The following SPON1 variants were observed in gnomAD, a reference collection of about 807,000 sequenced individuals.
SPON1 encodes spondin 1.
SPON1 carries 52 observed loss-of-function variants against 111.7 expected under a neutral mutation model. That is an observed-to-expected ratio of 0.47 (90% CI 0.37 to 0.59). The LOEUF (loss-of-function observed/expected upper bound fraction) is 0.59, where lower values mean the gene tolerates loss of function less well. Among genes scored for constraint, SPON1 ranks in the 20% least tolerant of loss-of-function variants. The pLI, the probability that SPON1 is intolerant of heterozygous loss-of-function variation, is 0.00. For synonymous variants in SPON1, 410 were observed against 395.8 expected (o/e 1.04, Z -0.43); for missense variants, 957 against 1,068.5 (o/e 0.90, Z 1.46).
At chr11:14,202,407 A>C (rs1848474098) in intron 6 of SPON1, among the ~76,000 whole-genome samples, 1 of 152,170 alleles carries the variant, frequency 6.6e-6, no homozygotes, top group Non-Finnish European at 1.5e-5. Context: ...CATCATGTCC[A>C]TTGCACTCCC....
chr11:14,058,349 G>T (rs1026147372), intron 3 of SPON1, among the ~76,000 whole-genome samples: 1 of 152,096 alleles, frequency 6.6e-6, no homozygotes, highest in Non-Finnish European at 1.5e-5. Flanking sequence ...CCGGAGACTC[G>T]CAGAGTGGTG....
intron 6 of SPON1, among the ~76,000 whole-genome samples, chr11:14,173,079 G>T (rs1375551418): frequency 6.6e-6 from 1 of 151,908 alleles, no homozygotes; most frequent in African/African-American, 2.4e-5. Context: ...ATAATATCCT[G>T]CAGAGTGTTT....
intron 3 of SPON1, among the ~76,000 whole-genome samples, chr11:14,063,024 G>A (rs555813337): frequency 3.3e-5 from 5 of 151,772 alleles, no homozygotes; most frequent in African/African-American, 9.7e-5. Context: ...CTCTCTTCTC[G>A]GTGATTTCTA....
intron 6 of SPON1, among the ~76,000 whole-genome samples, chr11:14,147,118 C>T (rs555134101): frequency 6.7e-6 from 1 of 148,838 alleles, no homozygotes; most frequent in South Asian, 2.2e-4. Context: ...CAGCCTCCAC[C>T]TCCCGGGTTC....
At chr11:14,016,632 A>G (rs1302990966) in intron 2 of SPON1, among the ~76,000 whole-genome samples, 3 of 152,224 alleles carry the variant, frequency 2.0e-5, no homozygotes, top group African/African-American at 7.2e-5. Context: ...AAAGAAATAT[A>G]TACCCAATCT....
chr11:14,035,791 AT>A (rs1848590427), intron 2 of SPON1, among the ~76,000 whole-genome samples: 2 of 151,694 alleles, frequency 1.3e-5, no homozygotes, highest in East Asian at 1.9e-4. Context: ...CTAATTTTTT[AT>A]TTTTTTATAG....
intron 7 of SPON1, among the ~76,000 whole-genome samples, chr11:14,247,547 G>A (rs76728207): frequency 0.025 from 3,843 of 152,296 alleles, 58 homozygotes; most frequent in Non-Finnish European, 0.04. Context: ...TCAGAAAACC[G>A]GAGAGAATTA....
intron 2 of SPON1, among the ~76,000 whole-genome samples, chr11:13,984,526 A>G (rs1554910089): frequency 6.6e-6 from 1 of 152,124 alleles, no homozygotes; most frequent in African/African-American, 2.4e-5. Context: ...CACCTTTATA[A>G]CAAATCCACT....
chr11:14,130,150 C>T (rs904673862), intron 5 of SPON1, among the ~76,000 whole-genome samples: 1 of 152,174 alleles, frequency 6.6e-6, no homozygotes, highest in Admixed American at 6.5e-5. Flanking sequence ...AAGGAATCAG[C>T]CCAAGCTCAC....
At chr11:14,148,786 AAC>A (rs1847754451) in intron 6 of SPON1, among the ~76,000 whole-genome samples, 1 of 152,220 alleles carries the variant, frequency 6.6e-6, no homozygotes, top group South Asian at 2.1e-4. Flanking sequence ...AGTGTACTGA[AAC>A]ATTTACTTTT....
chr11:14,205,155 G>C (rs1554936056), intron 6 of SPON1, among the ~76,000 whole-genome samples: 1 of 152,140 alleles, frequency 6.6e-6, no homozygotes, highest in Non-Finnish European at 1.5e-5. Flanking sequence ...CTGTATTCTT[G>C]TTTTAAGATT....
At chr11:14,104,001 G>C (rs1040648827) in intron 5 of SPON1, among the ~76,000 whole-genome samples, 1 of 151,950 alleles carries the variant, frequency 6.6e-6, no homozygotes, top group South Asian at 2.1e-4. Flanking sequence ...CATTATTAAG[G>C]CTTTTATCAC....
chr11:14,146,839 A>G (rs1002613295), intron 6 of SPON1, among the ~76,000 whole-genome samples: 1 of 152,124 alleles, frequency 6.6e-6, no homozygotes, highest in Non-Finnish European at 1.5e-5. Flanking sequence ...ATAATTTTAT[A>G]TCAGTTGGAA....
chr11:14,129,965 G>A (rs1554927387), intron 5 of SPON1, among the ~76,000 whole-genome samples: 3 of 151,918 alleles, frequency 2.0e-5, no homozygotes, highest in East Asian at 1.9e-4. Context: ...AACAGCATAA[G>A]GGAAACTGCT....
intron 3 of SPON1, among the ~76,000 whole-genome samples, chr11:14,059,567 A>G (rs541078210): frequency 1.2e-4 from 19 of 152,268 alleles, no homozygotes; most frequent in South Asian, 6.2e-4. Flanking sequence ...AAAACAAGGC[A>G]GAGAGACCAG....
chr11:14,254,440 T>G (rs925077234), intron 7 of SPON1, 88 bp from the exon 8 acceptor site: 2 of 1,203,862 alleles, frequency 1.7e-6, no homozygotes, highest in Admixed American at 2.6e-5. Context: ...TCTGTCCCTC[T>G]CATTCTTCAT....
chr11:14,120,276 A>C (rs1849295508), intron 5 of SPON1, among the ~76,000 whole-genome samples: 1 of 152,182 alleles, frequency 6.6e-6, no homozygotes, highest in Admixed American at 6.5e-5. Context: ...GGCAGGAAGT[A>C]CTTAAAGAGC....
chr11:14,070,928 G>A (rs928263019), intron 3 of SPON1, among the ~76,000 whole-genome samples: 4 of 152,112 alleles, frequency 2.6e-5, no homozygotes, highest in Non-Finnish European at 4.4e-5. Context: ...GAGTTATTTA[G>A]AACCTCAATA....
At chr11:14,229,800 T>C (rs1002490842) in intron 6 of SPON1, among the ~76,000 whole-genome samples, 15 of 152,214 alleles carry the variant, frequency 9.9e-5, no homozygotes, top group African/African-American at 3.6e-4. Flanking sequence ...TCGGTCTGCC[T>C]ATTCCACCAT....
Sources: allele counts gnomAD v4.1 joint callset (sites outside exome capture counted in the v4.1 genomes callset), GRCh38; gene constraint gnomAD v4.1.1; transcripts MANE v1.5; gene names NCBI Gene and HGNC (gene_info 2026-07-23, HGNC 2026-07-21).